LRP1B: variants seen among roughly 807,000 people sequenced by gnomAD.
LRP1B encodes LDL receptor related protein 1B.
In LRP1B, 217 loss-of-function variants were observed where a neutral mutation model predicts 556.6. The ratio of observed to expected loss-of-function variants is 0.39; its 90% confidence interval spans 0.35 to 0.44. The LOEUF (loss-of-function observed/expected upper bound fraction) is 0.44. LRP1B is among the 20% of genes least tolerant of loss of function. The pLI, the probability that LRP1B is intolerant of heterozygous loss-of-function variation, is 1.00. For synonymous variants in LRP1B, 2,047 were observed against 1,865.8 expected, an observed-to-expected ratio of 1.10 and a Z score of -2.50; for missense variants, 5,053 against 5,620.8, an observed-to-expected ratio of 0.90 and a Z score of 3.23.
At chr2:140,969,479 A>T (rs12613001) in intron 18 of LRP1B, among the ~76,000 whole-genome samples, 16,902 of 131,446 alleles carry the variant, frequency 0.13, 1,015 homozygotes, top group East Asian at 0.22. Flanking sequence ...GACTCTTTAA[A>T]TTTGCCAGTC....
intron 1 of LRP1B, among the ~76,000 whole-genome samples, chr2:142,043,211 T>C (rs1386431847): frequency 2.0e-5 from 3 of 151,598 alleles, no homozygotes; most frequent in African/African-American, 7.3e-5. Flanking sequence ...TTTTTCAATA[T>C]CCAGATACAT....
chr2:141,558,745 T>A (rs1433983129), intron 2 of LRP1B, among the ~76,000 whole-genome samples: 1 of 151,788 alleles, frequency 6.6e-6, no homozygotes, highest in Non-Finnish European at 1.5e-5. Context: ...TGGCAATCTC[T>A]AATCAGTATC....
intron 23 of LRP1B, among the ~76,000 whole-genome samples, chr2:140,896,919 A>C (rs1355906055): frequency 6.6e-6 from 1 of 152,218 alleles, no homozygotes; most frequent in Non-Finnish European, 1.5e-5. Flanking sequence ...GCAAGAAAGA[A>C]GAAATTTCTA....
chr2:141,957,849 C>T (rs1339411020), intron 1 of LRP1B, among the ~76,000 whole-genome samples: 2 of 152,012 alleles, frequency 1.3e-5, no homozygotes, highest in African/African-American at 4.8e-5. Flanking sequence ...TCACATGTAG[C>T]CACAAAATAA....
chr2:140,781,777 A>G (rs1689706812), intron 32 of LRP1B, among the ~76,000 whole-genome samples: 2 of 152,216 alleles, frequency 1.3e-5, no homozygotes, highest in Admixed American at 6.5e-5. Flanking sequence ...CATCCTCTGT[A>G]AAGTATTTCA....
intron 2 of LRP1B, among the ~76,000 whole-genome samples, chr2:141,636,926 C>A (rs1006169103): frequency 2.0e-5 from 3 of 151,882 alleles, no homozygotes; most frequent in African/African-American, 7.3e-5. Flanking sequence ...TAGAAGGATG[C>A]CTGGAAAAAT....
intron 3 of LRP1B, among the ~76,000 whole-genome samples, chr2:141,392,735 A>G (rs1001266231): frequency 1.3e-5 from 2 of 152,144 alleles, no homozygotes; most frequent in African/African-American, 4.8e-5. Flanking sequence ...CTGATAACAA[A>G]TTCTCCCTCT....
intron 1 of LRP1B, among the ~76,000 whole-genome samples, chr2:142,025,570 C>T (rs1703475581): frequency 2.0e-5 from 3 of 152,046 alleles, no homozygotes; most frequent in Admixed American, 2.0e-4. Context: ...GCTATGTCAG[C>T]AAATAACAGA....
At chr2:140,681,372 A>G (rs1326395481) in intron 41 of LRP1B, among the ~76,000 whole-genome samples, 1 of 152,218 alleles carries the variant, frequency 6.6e-6, no homozygotes, top group Non-Finnish European at 1.5e-5. Flanking sequence ...AATAATTTAT[A>G]TTAAGAAATA....
intron 86 of LRP1B, among the ~76,000 whole-genome samples, chr2:140,268,595 G>A (rs774932043): frequency 1.1e-4 from 17 of 151,898 alleles, no homozygotes; most frequent in Non-Finnish European, 1.5e-4. Flanking sequence ...AGATGTGATC[G>A]ATCTCTAAAG....
At chr2:142,013,051 T>C (rs550624618) in intron 1 of LRP1B, among the ~76,000 whole-genome samples, 1 of 152,314 alleles carries the variant, frequency 6.6e-6, no homozygotes, top group African/African-American at 2.4e-5. Flanking sequence ...AGTGAATAGA[T>C]TTAGCTCATG....
intron 3 of LRP1B, among the ~76,000 whole-genome samples, chr2:141,259,140 G>T (rs1057475368): frequency 3.9e-5 from 6 of 152,136 alleles, no homozygotes; most frequent in Admixed American, 2.0e-4. Flanking sequence ...TCAAAAAATA[G>T]ATATCTTTGT....
At chr2:142,040,529 A>G (rs1704026927) in intron 1 of LRP1B, among the ~76,000 whole-genome samples, 1 of 151,330 alleles carries the variant, frequency 6.6e-6, no homozygotes. Context: ...GATGAAAACA[A>G]AATAGGAAAA....
At chr2:142,017,202 A>G (rs181193283) in intron 1 of LRP1B, among the ~76,000 whole-genome samples, 9 of 152,278 alleles carry the variant, frequency 5.9e-5, no homozygotes, top group Non-Finnish European at 4.4e-5. Context: ...TTGGCACTCA[A>G]TCATCTGAGG....
intron 7 of LRP1B, among the ~76,000 whole-genome samples, chr2:141,107,266 T>C (rs757089534): frequency 3.3e-5 from 5 of 152,198 alleles, no homozygotes; most frequent in Non-Finnish European, 7.3e-5. Context: ...TGCAGTTATA[T>C]TTATAGGGTG....
chr2:140,802,187 T>C (rs1297994344), intron 32 of LRP1B, among the ~76,000 whole-genome samples: 1 of 152,172 alleles, frequency 6.6e-6, no homozygotes, highest in Non-Finnish European at 1.5e-5. Context: ...GTTTCCATTC[T>C]CTTGGGGGAA....
intron 1 of LRP1B, among the ~76,000 whole-genome samples, chr2:142,054,686 ACT>A (rs1270618387): frequency 1.3e-5 from 2 of 152,030 alleles, no homozygotes; most frequent in African/African-American, 4.8e-5. Flanking sequence ...CAGTGAGTGA[ACT>A]CTGTCTTATT....
At chr2:140,634,389 A>G (rs959692498) in intron 41 of LRP1B, among the ~76,000 whole-genome samples, 12 of 152,188 alleles carry the variant, frequency 7.9e-5, no homozygotes, top group African/African-American at 2.9e-4. Context: ...TGATAAATTC[A>G]TAAGTGGAGA....
At chr2:140,632,633 A>G (rs989621415) in intron 41 of LRP1B, among the ~76,000 whole-genome samples, 1 of 152,216 alleles carries the variant, frequency 6.6e-6, no homozygotes, top group African/African-American at 2.4e-5. Context: ...ACAAATTACA[A>G]TATGGTACAT....
Sources: gnomAD v4.1 joint callset for allele counts (sites outside exome capture counted in the v4.1 genomes callset) on GRCh38, gnomAD v4.1.1 for gene constraint, MANE v1.5 for transcripts, NCBI Gene and HGNC (gene_info 2026-07-23, HGNC 2026-07-21) for gene names.